Variants in PLCG2 observed in about 807,000 individuals in gnomAD.
The protein encoded by PLCG2 is phospholipase C gamma 2.
In PLCG2, 69 loss-of-function variants were observed where a neutral mutation model predicts 175.6. That is an observed-to-expected ratio of 0.39 (90% CI 0.32 to 0.48). The LOEUF is 0.48. Among genes scored for constraint, PLCG2 ranks in the 20% least tolerant of loss-of-function variants. PLCG2 has a pLI of 0.91. For missense variants in PLCG2, 1,798 were observed against 1,650.9 expected (o/e 1.09, Z -1.54); for synonymous variants, 827 against 624.0 (o/e 1.33, Z -4.85).
intron 2 of PLCG2, among the ~76,000 whole-genome samples, chr16:81,822,431 G>C (rs750172428): frequency 2.0e-5 from 3 of 152,166 alleles, no homozygotes; most frequent in Non-Finnish European, 4.4e-5. Context: ...GGGTTACCCA[G>C]GTGGATCCAG....
chr16:81,803,587 T>TTTCC (rs1567472300), intron 2 of PLCG2, among the ~76,000 whole-genome samples: 5 of 43,742 alleles, frequency 1.1e-4, no homozygotes, highest in South Asian at 7.6e-4. Flanking sequence ...CTTTCCTTTC[T>TTTCC]TTTCTTTTCT....
At chr16:81,823,472 G>A (rs1272473603) in intron 2 of PLCG2, among the ~76,000 whole-genome samples, 2 of 152,170 alleles carry the variant, frequency 1.3e-5, no homozygotes, top group Non-Finnish European at 2.9e-5. Flanking sequence ...TCTGAAGTGA[G>A]CCCCTTCCTG....
rs1911739052 is a variant in PLCG2 at position 81,960,391 on chromosome 16, C to G, written c.*2393C>G. 1 of 222,432 alleles carries G rather than the reference C, an allele frequency of 4.5e-6. No homozygotes were observed. Among genetic ancestry groups the G allele is most frequent in the Non-Finnish European group, 9.0e-6 (1 of 111,406 alleles). 13.8% of individuals were successfully genotyped at this position (222,432 alleles called of 1,614,324 possible). A position where few individuals can be genotyped will look rare whatever the true frequency, so the allele number is the denominator to read the frequency against. ...CACATTCTGAAAGATGGAAGCAGCA[C>G]TGATAGATCAAAACCACCACTGCAT... On this transcript the variant is annotated 3_prime_UTR_variant, in exon 33 of 33. Coordinates refer to ENST00000564138, the MANE Select transcript of PLCG2 (RefSeq NM_002661.5).
chr16:81,772,236 G>C (rs754945130), intron 2 of PLCG2, among the ~76,000 whole-genome samples: 1 of 152,146 alleles, frequency 6.6e-6, no homozygotes, highest in African/African-American at 2.4e-5. Flanking sequence ...TGAGAAGACA[G>C]AGGCAGAGTT....
At chr16:81,789,558 G>A (rs1691084763) in intron 2 of PLCG2, among the ~76,000 whole-genome samples, 1 of 152,166 alleles carries the variant, frequency 6.6e-6, no homozygotes, top group African/African-American at 2.4e-5. Flanking sequence ...GAAAGTGCTG[G>A]GATTACAGAC....
At chr16:81,810,963 C>A (rs1165905180) in intron 2 of PLCG2, among the ~76,000 whole-genome samples, 1 of 152,172 alleles carries the variant, frequency 6.6e-6, no homozygotes, top group Non-Finnish European at 1.5e-5. Flanking sequence ...TGAGAAGCAG[C>A]CCAGGGAACA....
At chr16:81,802,790 C>G (rs754633574) in intron 2 of PLCG2, among the ~76,000 whole-genome samples, 11 of 152,032 alleles carry the variant, frequency 7.2e-5, no homozygotes, top group Non-Finnish European at 1.3e-4. Flanking sequence ...AGGCTGGTCT[C>G]GAACTCCTGA....
chr16:81,778,050 A>AAC (rs2143131582), upstream of PLCG2, among the ~76,000 whole-genome samples: 1 of 103,980 alleles, frequency 9.6e-6, no homozygotes, highest in East Asian at 2.4e-4. Flanking sequence ...AAACAAAAAA[A>AAC]AAAACAAAAA....
intron 11 of PLCG2, 56 bp from the exon 12 acceptor site, chr16:81,893,653 C>A (rs115100804): frequency 3.8e-6 from 4 of 1,050,510 alleles, no homozygotes; most frequent in African/African-American, 3.1e-5. Flanking sequence ...TGCAGGCTTG[C>A]CCCCCAACCC....
intron 19 of PLCG2, 110 bp from the exon 20 acceptor site, chr16:81,919,374 C>CACTT (rs1909969426): frequency 1.3e-6 from 1 of 766,526 alleles, no homozygotes; most frequent in Admixed American, 2.2e-5. Flanking sequence ...TTTATTTACC[C>CACTT]ACTTCTCTAA....
chr16:81,826,129 T>C (rs1173859035), intron 2 of PLCG2, among the ~76,000 whole-genome samples: 1 of 152,190 alleles, frequency 6.6e-6, no homozygotes, highest in Non-Finnish European at 1.5e-5. Flanking sequence ...GTTTTCCCCA[T>C]TGTGGTAAGA....
intron 5 of PLCG2, among the ~76,000 whole-genome samples, chr16:81,862,361 C>T (rs762091047): frequency 7.9e-5 from 12 of 152,180 alleles, no homozygotes; most frequent in Non-Finnish European, 1.8e-4. Context: ...TCTTTGCAGC[C>T]GTGGCTGTAA....
At chr16:81,953,091 C>T (rs369047353) in intron 31 of PLCG2, among the ~76,000 whole-genome samples, 1 of 152,186 alleles carries the variant, frequency 6.6e-6, no homozygotes, top group African/African-American at 2.4e-5. Context: ...AGACACCAGA[C>T]AAAAGTTGCT....
chr16:81,887,902 C>T (rs542211895), intron 9 of PLCG2, among the ~76,000 whole-genome samples: 20 of 152,168 alleles, frequency 1.3e-4, no homozygotes, highest in Admixed American at 2.0e-4. Context: ...ATGTCTAGGA[C>T]TGTGCAGCAG....
At chr16:81,800,239 C>G (rs1177191856) in intron 2 of PLCG2, among the ~76,000 whole-genome samples, 1 of 152,190 alleles carries the variant, frequency 6.6e-6, no homozygotes. Flanking sequence ...TTCTGGGATA[C>G]ATGTGCAGAA....
chr16:81,794,406 G>A (rs901771143), intron 2 of PLCG2, among the ~76,000 whole-genome samples: 1 of 152,148 alleles, frequency 6.6e-6, no homozygotes, highest in Non-Finnish European at 1.5e-5. Flanking sequence ...TCCATTGTCT[G>A]AGGGTGGTCC....
At chr16:81,812,356 T>C (rs1209841679) in intron 2 of PLCG2, among the ~76,000 whole-genome samples, 1 of 152,164 alleles carries the variant, frequency 6.6e-6, no homozygotes, top group Admixed American at 6.5e-5. Flanking sequence ...GCCTGTTGTT[T>C]ACTGACTTTT....
intron 31 of PLCG2, among the ~76,000 whole-genome samples, chr16:81,950,760 A>T (rs1311492799): frequency 6.6e-6 from 1 of 152,242 alleles, no homozygotes; most frequent in African/African-American, 2.4e-5. Context: ...AAACAAGTAA[A>T]TTACTTAGAA....
Position 81,926,568 on chromosome 16 carries a change from G to A in PLCG2, c.2418-514G>A, listed in dbSNP as rs141868099. On this transcript the variant is annotated intron_variant, in intron 22 of 32. Transcript: ENST00000564138. ...AGTATTTACTGTGTACTAGGTAGGC[G>A]CTGTCCCAAGCACTCAGCTTATGTT... is the stretch of plus-strand genomic sequence containing the variant. Among the ~76,000 whole-genome samples, 1,081 of 152,302 alleles carry A rather than the reference G, an allele frequency of 7.1e-3. 5 individuals carry two copies. The highest frequency in any genetic ancestry group is 9.1e-3 in the Non-Finnish European group (618 of 68,024).
Sources: allele counts gnomAD v4.1 joint callset (sites outside exome capture counted in the v4.1 genomes callset), GRCh38; gene constraint gnomAD v4.1.1; transcripts MANE v1.5; gene names NCBI Gene and HGNC (gene_info 2026-07-23, HGNC 2026-07-21).